Variants in PLEKHG4B observed in about 807,000 individuals in gnomAD.
PLEKHG4B encodes the protein pleckstrin homology and RhoGEF domain containing G4B.
PLEKHG4B carries 111 observed loss-of-function variants against 121.3 expected under a neutral mutation model. The observed-to-expected ratio is 0.92, with a 90% CI of 0.78 to 1.07. PLEKHG4B has a LOEUF of 1.07. PLEKHG4B is among the 50% of genes least tolerant of loss of function. The probability of loss-of-function intolerance (pLI) is 0.00; values close to 1 mark genes in which losing one functional copy is unlikely to be tolerated. For missense variants in PLEKHG4B, 1,831 were observed against 1,757.8 expected, an observed-to-expected ratio of 1.04 and a Z score of -0.74; for synonymous variants, 738 against 725.0, an observed-to-expected ratio of 1.02 and a Z score of -0.29.
chr5:143,912 A>T (rs1735315541), intron 5 of PLEKHG4B, among the ~76,000 whole-genome samples: 1 of 152,078 alleles, frequency 6.6e-6, no homozygotes, highest in Non-Finnish European at 1.5e-5. Context: ...CTGGAGTTAG[A>T]GCTAAAGAAG....
Position 157,114 on chromosome 5 carries a change from G to A in PLEKHG4B, c.2487+203G>A, listed in dbSNP as rs1325129764. 1.3e-6 allele frequency: 1 copy of A among 769,454 alleles called. No individual in the cohort carries two copies. Among genetic ancestry groups the A allele is most frequent in the African/African-American group, 1.8e-5 (1 of 57,136 alleles). The allele number at this position is 769,454 out of a possible 1,614,324, so 47.7% of individuals were successfully genotyped here. On this transcript the variant is annotated intron_variant, in intron 11 of 19. Coordinates refer to ENST00000637938, the MANE Select transcript of PLEKHG4B (RefSeq NM_052909.5). This position sits in a 1 kb window ranked among gnomAD's most constrained non-coding sequence, Gnocchi z 4.6. ...TTTTTACGTGAGAGATACTGGATCA[G>A]TGGAGAAAAAAAATTTGTTTAATCC... is the stretch of plus-strand genomic sequence containing the variant.
rs556345039 is a variant in PLEKHG4B at position 111,129 on chromosome 5, A to G, written c.46-2122A>G. ...CCCAAAGGTGCTCCCCAGAATCGGG[A>G]TGCTGCAGACACATCAGGCCAGGAG... is the stretch of plus-strand genomic sequence containing the variant. On this transcript the variant is annotated intron_variant, in intron 1 of 19. Coordinates refer to ENST00000637938, the MANE Select transcript of PLEKHG4B (RefSeq NM_052909.5). Among the ~76,000 whole-genome samples the G allele has an allele frequency of 2.6e-5, 4 of 152,372 alleles. No individual in the cohort carries two copies. The South Asian group carries it at 8.3e-4, about 32-fold the overall frequency.
At position 186,234 on chromosome 5, in the gene PLEKHG4B, C is replaced by T. The variant is rs1733619030; in HGVS notation, c.*3911C>T. The T allele has an allele frequency of 6.6e-6, 1 of 152,306 alleles. No individual in the cohort carries two copies. 9.4% of individuals were successfully genotyped at this position (152,306 alleles called of 1,614,324 possible). On this transcript the variant is annotated 3_prime_UTR_variant, in exon 20 of 20. Transcript: ENST00000637938. Reference sequence around the variant, plus strand: ...GTCCACACCAGCTGGCCCTGGGCACCTCTCTCTCTGGCCTTCTGTCCACAC... The same window carrying T: ...GTCCACACCAGCTGGCCCTGGGCACTTCTCTCTCTGGCCTTCTGTCCACAC...
rs1280229012 is a variant in PLEKHG4B, at chr5:163,069, G to T, written c.2997G>T (p.Gly999=). 1.9e-6 allele frequency: 3 copies of T among 1,561,780 alleles called. No individual in the cohort carries two copies. The highest frequency in any genetic ancestry group is 2.6e-6 in the Non-Finnish European group (3 of 1,153,062). Residue 999 remains glycine, a synonymous_variant, in exon 13 of 20, where the codon GGG becomes GGT. Transcript: ENST00000637938. ...CCTCATTCCCCAGCACGGACAGTGG[G>T]GGTGGTGCCTGGGAACCTGCGCAAC... ...KPPSFPSTDS[G]GGAWEPAQPL...
chr5:130,742 C>T (rs1734754965), intron 2 of PLEKHG4B, among the ~76,000 whole-genome samples: 1 of 152,206 alleles, frequency 6.6e-6, no homozygotes, highest in Non-Finnish European at 1.5e-5. Context: ...AACTTGAGTG[C>T]ACCGCTTAGA....
intron 7 of PLEKHG4B, among the ~76,000 whole-genome samples, chr5:154,418 G>C (rs193234138): frequency 2.5e-3 from 380 of 152,264 alleles, no homozygotes; most frequent in African/African-American, 8.3e-3. Flanking sequence ...CCTGAGGACG[G>C]AGCCACTGTG....
chr5:105,513 T>C (rs752282772), intron 1 of PLEKHG4B, among the ~76,000 whole-genome samples: 1 of 152,270 alleles, frequency 6.6e-6, no homozygotes, highest in Non-Finnish European at 1.5e-5. Context: ...GAATTAGTTA[T>C]TTCTCTTTGG....
chr5:146,386 A>C, intron 6 of PLEKHG4B, among the ~76,000 whole-genome samples: 1 of 89,876 alleles, frequency 1.1e-5, no homozygotes. Flanking sequence ...CTCCTCTCTC[A>C]CAAGCTGTAG....
intron 6 of PLEKHG4B, among the ~76,000 whole-genome samples, chr5:147,914 G>A (rs1735471256): frequency 6.6e-6 from 1 of 152,104 alleles, no homozygotes; most frequent in South Asian, 2.1e-4. Flanking sequence ...GTTTGTTCCT[G>A]GAATGCAAGG....
intron 9 of PLEKHG4B, 113 bp from the exon 10 acceptor site, chr5:155,958 C>T: frequency 1.7e-6 from 2 of 1,149,304 alleles, no homozygotes; most frequent in Non-Finnish European, 2.4e-6. Context: ...TGTCATGCCG[C>T]CAGGCCTGCA....
At chr5:160,786 C>T (rs1735972414) in intron 11 of PLEKHG4B, among the ~76,000 whole-genome samples, 1 of 152,036 alleles carries the variant, frequency 6.6e-6, no homozygotes, top group South Asian at 2.1e-4. Context: ...GCCGATTTTT[C>T]CACAAAGTTG....
intron 2 of PLEKHG4B, among the ~76,000 whole-genome samples, chr5:132,838 A>G (rs1734818271): frequency 6.6e-6 from 1 of 151,642 alleles, no homozygotes; most frequent in Admixed American, 6.6e-5. Flanking sequence ...ATGCCTCCAG[A>G]TTTGTTCTTT....
At chr5:97,794 C>T (rs1733673551) in intron 1 of PLEKHG4B, among the ~76,000 whole-genome samples, 1 of 152,104 alleles carries the variant, frequency 6.6e-6, no homozygotes, top group African/African-American at 2.4e-5. Flanking sequence ...ATTTCTCTTG[C>T]AGATATACCT....
At chr5:132,201 C>G (rs1734800954) in intron 2 of PLEKHG4B, among the ~76,000 whole-genome samples, 1 of 151,838 alleles carries the variant, frequency 6.6e-6, no homozygotes, top group African/African-American at 2.4e-5. Flanking sequence ...GAAAGGCATC[C>G]AAACTGGAAA....
At chr5:109,989 CACAT>C (rs1734090332) in intron 1 of PLEKHG4B, among the ~76,000 whole-genome samples, 3 of 150,070 alleles carry the variant, frequency 2.0e-5, no homozygotes, top group Non-Finnish European at 3.0e-5. Context: ...CTCTGCAACA[CACAT>C]GCATACACCC....
chr5:180,695 G>A (rs534416176), intron 18 of PLEKHG4B, among the ~76,000 whole-genome samples: 79 of 152,290 alleles, frequency 5.2e-4, no homozygotes, highest in South Asian at 3.9e-3. Flanking sequence ...GCTGTCCCGC[G>A]TCCACGTGCA....
intron 2 of PLEKHG4B, among the ~76,000 whole-genome samples, chr5:135,679 AAAAATATATATATATATATATATATATAT>A (rs1455738065): frequency 3.3e-4 from 19 of 57,152 alleles, no homozygotes; most frequent in South Asian, 2.2e-3. Flanking sequence ...AAAAAAAAAA[AAAAATATATATATATATATATATATATAT>A]ATATATATAT....
intron 6 of PLEKHG4B, among the ~76,000 whole-genome samples, chr5:147,972 A>G (rs1203518206): frequency 6.6e-6 from 1 of 152,170 alleles, no homozygotes; most frequent in Non-Finnish European, 1.5e-5. Flanking sequence ...ATGAAGGGGG[A>G]AAAACACATG....
rs991790120 is a variant in PLEKHG4B, at chr5:140,613, C to T, written c.1374C>T (p.Ser458=). 6.2e-7 allele frequency: 1 copy of T among 1,611,006 alleles called. No homozygotes were observed. The highest frequency in any genetic ancestry group is 8.5e-7 in the Non-Finnish European group (1 of 1,178,996). The change falls in exon 3 of 20, where the codon TCC becomes TCT. Residue 458 remains serine (S), a synonymous_variant. Coordinates refer to ENST00000637938, the MANE Select transcript of PLEKHG4B (RefSeq NM_052909.5). The part of the protein sequence containing the change: ...RGAQAAACHT[S]HHSAGSRPGG... ...CCCAGGCTGCAGCCTGCCACACCTC[C>T]CACCACTCAGCAGGCTCCAGGCCTG...
Sources: gnomAD v4.1 joint callset for allele counts (sites outside exome capture counted in the v4.1 genomes callset) on GRCh38, gnomAD v4.1.1 for gene constraint, Gnocchi (gnomAD v3.1) non-coding constraint, MANE v1.5 for transcripts, NCBI Gene and HGNC (gene_info 2026-07-23, HGNC 2026-07-21) for gene names.